Variants in ANO4 observed in about 807,000 individuals in gnomAD.
ANO4 encodes the protein anoctamin-4.
ANO4 carries 69 observed loss-of-function variants against 141.9 expected under a neutral mutation model. The observed-to-expected ratio is 0.49, with a 90% CI of 0.40 to 0.59. The LOEUF (loss-of-function observed/expected upper bound fraction) is 0.59. Ranked by LOEUF, ANO4 falls within the 20% of genes least tolerant of loss-of-function variation. The pLI is 0.00. For synonymous variants in ANO4, 350 were observed against 394.3 expected (o/e 0.89, Z 1.33); for missense variants, 894 against 1,162.2 (o/e 0.77, Z 3.36).
rs140134416 is a variant in ANO4, at chr12:100,788,807, G to C, written c.358+48702G>C. Among the ~76,000 whole-genome samples the C allele has an allele frequency of 5.3e-5, 8 of 151,982 alleles. No individual in the cohort carries two copies. In the East Asian group the frequency reaches 1.5e-3, roughly 29 times the overall value. ...AGTGGAGCGTACATGATAGTGTAGA[G>C]GATAGACATTAAACAAGCAATCAAA... On this transcript the variant is annotated intron_variant, in intron 3 of 29. Transcript: ENST00000644049.
chr12:100,949,674 T>A (rs1372201117), intron 5 of ANO4, among the ~76,000 whole-genome samples: 2 of 152,170 alleles, frequency 1.3e-5, no homozygotes, highest in Non-Finnish European at 2.9e-5. Flanking sequence ...AATAGCAACA[T>A]CAGTGGGTCA....
chr12:100,903,111 A>G (rs1168105786), intron 2 of ANO4, among the ~76,000 whole-genome samples: 8 of 152,116 alleles, frequency 5.3e-5, no homozygotes, highest in Admixed American at 3.3e-4. Flanking sequence ...GTCGAGAGTA[A>G]CCAACACAAT....
chr12:101,045,475 A>G (rs2047580260), intron 13 of ANO4, among the ~76,000 whole-genome samples: 1 of 152,230 alleles, frequency 6.6e-6, no homozygotes, highest in Non-Finnish European at 1.5e-5. Flanking sequence ...TTGGAGTTAT[A>G]CAGGGTTTCC....
chr12:101,068,869 T>C, intron 14 of ANO4: 4 of 891,672 alleles, frequency 4.5e-6, no homozygotes, highest in Non-Finnish European at 7.6e-6. Flanking sequence ...GGGTTGAATC[T>C]CATCAGATGA....
chr12:101,041,713 A>G (rs557386811), intron 11 of ANO4, among the ~76,000 whole-genome samples: 3 of 152,364 alleles, frequency 2.0e-5, no homozygotes, highest in East Asian at 3.9e-4. Flanking sequence ...AAGGCCATGC[A>G]TAATTAGGTA....
At chr12:101,065,823 G>A (rs1397885372) in intron 14 of ANO4, among the ~76,000 whole-genome samples, 1 of 151,996 alleles carries the variant, frequency 6.6e-6, no homozygotes, top group Non-Finnish European at 1.5e-5. Flanking sequence ...GAAAACTACA[G>A]GCCAATATCT....
intron 5 of ANO4, among the ~76,000 whole-genome samples, chr12:100,952,298 G>C (rs1320686967): frequency 2.0e-5 from 3 of 152,184 alleles, no homozygotes; most frequent in Non-Finnish European, 4.4e-5. Flanking sequence ...CTGTGCCTTA[G>C]TTTCTTTGTT....
At chr12:100,868,393 C>G (rs1238537898) in intron 1 of ANO4, among the ~76,000 whole-genome samples, 1 of 152,098 alleles carries the variant, frequency 6.6e-6, no homozygotes, top group Non-Finnish European at 1.5e-5. Flanking sequence ...CAAGTAGCAC[C>G]TTAGTAGGTG....
At chr12:101,032,252 G>A (rs2047003846) in intron 9 of ANO4, among the ~76,000 whole-genome samples, 2 of 152,142 alleles carry the variant, frequency 1.3e-5, no homozygotes, top group African/African-American at 4.8e-5. Context: ...CAATGGAACA[G>A]AACAGAGACC....
chr12:101,068,914 A>G (rs1342382957), intron 14 of ANO4: 2 of 817,614 alleles, frequency 2.4e-6, no homozygotes, highest in Admixed American at 1.7e-5. Flanking sequence ...CCGATACTAC[A>G]TGCTCAACAT....
At chr12:101,106,440 TATC>T (rs1238398547) in intron 22 of ANO4, among the ~76,000 whole-genome samples, 1 of 152,010 alleles carries the variant, frequency 6.6e-6, no homozygotes, top group South Asian at 2.1e-4. Flanking sequence ...ATCTCAAAAT[TATC>T]ATGTGATATG....
chr12:101,007,908 C>T (rs1354229), intron 8 of ANO4, among the ~76,000 whole-genome samples: 23,225 of 151,938 alleles, frequency 0.15, 2,101 homozygotes, highest in East Asian at 0.24. Context: ...AAAAATATTG[C>T]GAGCTGCCCA....
intron 7 of ANO4, among the ~76,000 whole-genome samples, chr12:100,975,160 TC>T (rs977583604): frequency 4.0e-5 from 6 of 151,576 alleles, no homozygotes; most frequent in African/African-American, 1.5e-4. Flanking sequence ...TTTAGCCCAT[TC>T]TTTTTTTTTT....
At chr12:100,948,063 G>A (rs558994619) in intron 5 of ANO4, among the ~76,000 whole-genome samples, 2 of 151,058 alleles carry the variant, frequency 1.3e-5, no homozygotes, top group African/African-American at 2.4e-5. Context: ...CTGTGGTGGC[G>A]GACGCCTGTA....
intron 3 of ANO4, among the ~76,000 whole-genome samples, chr12:100,765,437 G>C (rs901778527): frequency 7.2e-6 from 1 of 139,416 alleles, no homozygotes; most frequent in African/African-American, 2.7e-5. Flanking sequence ...GGAGTGCAGT[G>C]GCATGATCAG....
intron 22 of ANO4, among the ~76,000 whole-genome samples, chr12:101,104,190 T>C (rs2050318830): frequency 6.6e-6 from 1 of 152,036 alleles, no homozygotes; most frequent in Non-Finnish European, 1.5e-5. Flanking sequence ...TTGGTCTTTG[T>C]TGATTTTTCT....
intron 3 of ANO4, among the ~76,000 whole-genome samples, chr12:100,740,607 C>A (rs2031821020): frequency 6.6e-6 from 1 of 152,168 alleles, no homozygotes; most frequent in African/African-American, 2.4e-5. Flanking sequence ...AAAAAGTCAT[C>A]TTTGAATACC....
chr12:101,115,506 T>C (rs2050819534), intron 24 of ANO4, among the ~76,000 whole-genome samples: 1 of 152,166 alleles, frequency 6.6e-6, no homozygotes. Context: ...ATTACATGAC[T>C]AGAAACCAGC....
chr12:101,038,337 C>G (rs1258634095), intron 10 of ANO4: 2 of 150,858 alleles, frequency 1.3e-5, no homozygotes, highest in Non-Finnish European at 1.5e-5. Flanking sequence ...TGCATCCTCC[C>G]TGCTCTCAGC....
Sources: allele counts gnomAD v4.1 joint callset (sites outside exome capture counted in the v4.1 genomes callset), GRCh38; gene constraint gnomAD v4.1.1; transcripts MANE v1.5; gene names NCBI Gene and HGNC (gene_info 2026-07-23, HGNC 2026-07-21).